Variants in NUP210 observed in about 807,000 individuals in gnomAD.
NUP210 encodes the protein nuclear pore membrane glycoprotein 210.
Under a neutral mutation model 196.0 loss-of-function variants are expected in NUP210, and 151 were observed. That is an observed-to-expected ratio of 0.77 (90% CI 0.67 to 0.88). The LOEUF (loss-of-function observed/expected upper bound fraction) is 0.88. Ranked by LOEUF, NUP210 falls within the 40% of genes least tolerant of loss-of-function variation. The pLI, the probability that NUP210 is intolerant of heterozygous loss-of-function variation, is 0.00. For missense variants in NUP210, 2,314 were observed against 2,493.7 expected, an observed-to-expected ratio of 0.93 and a Z score of 1.53; for synonymous variants, 1,070 against 1,052.7, an observed-to-expected ratio of 1.02 and a Z score of -0.32.
Position 13,325,871 on chromosome 3 carries a change from C to A in NUP210, c.4568G>T (p.Gly1523Val), listed in dbSNP as rs757302764. Residue 1523 changes from glycine (G) to valine (V), a missense_variant, in exon 33 of 40, where the codon GGT (glycine) becomes GTT (valine). Physicochemically the swap from Gly to Val is moderately radical, Grantham distance 109 (BLOSUM62 -3). Coordinates refer to ENST00000254508, the MANE Select transcript of NUP210 (RefSeq NM_024923.4). ...NSILHIDPKTGVAVARAVGSV... is the reference protein window; with the variant it reads ...NSILHIDPKTVVAVARAVGSV... Reference sequence around the variant, plus strand: ...TCCCACGGCCCGGGCCACAGCCACACCCGTCTTGGGGTCGATGTGGAGGAT... The same window carrying A: ...TCCCACGGCCCGGGCCACAGCCACAACCGTCTTGGGGTCGATGTGGAGGAT... 1 of 1,614,124 alleles carries A rather than the reference C, an allele frequency of 6.2e-7. No individual in the cohort carries two copies. The highest frequency in any genetic ancestry group is 8.5e-7 in the Non-Finnish European group (1 of 1,180,040).
In NUP210 at chr3:13,321,698, C is replaced by T. The variant is rs763511746; in HGVS notation, c.5053G>A (p.Val1685Met). Residue 1685 changes from valine to methionine, a missense_variant, in exon 36 of 40, where the codon GTG becomes ATG. Coordinates refer to ENST00000254508, the MANE Select transcript of NUP210 (RefSeq NM_024923.4). ...HFSTEQVGAE[V>M]PFSPGLFADQ... ...GCGAAGAGACCTGGGCTGAAGGGCACCTCGGCCCCCACCTGCTCTGTGGAG... is the reference window on the plus strand; with the variant it reads ...GCGAAGAGACCTGGGCTGAAGGGCATCTCGGCCCCCACCTGCTCTGTGGAG... 10 of 1,614,118 alleles carry T rather than the reference C, an allele frequency of 6.2e-6. No homozygotes were observed. Among genetic ancestry groups the T allele is most frequent in the South Asian group, 1.1e-5 (1 of 91,076 alleles).
In NUP210 at chr3:13,360,574, C is replaced by T. The variant is rs1698339863; in HGVS notation, c.1933-83G>A. ...CGGGCATCCCAGCCCCACATCCTCA[C>T]CCCGCTTGTGGGGGCTGGTGGTCAG... On this transcript the variant is annotated intron_variant, in intron 14 of 39. Coordinates refer to ENST00000254508, the MANE Select transcript of NUP210 (RefSeq NM_024923.4). 7 of 1,078,442 alleles carry T rather than the reference C, an allele frequency of 6.5e-6. No individual in the cohort carries two copies. The South Asian group carries it at 9.3e-5, about 14-fold the overall frequency. 66.8% of individuals were successfully genotyped at this position (1,078,442 alleles called of 1,614,324 possible). A position where few individuals can be genotyped will look rare whatever the true frequency, so the allele number is the denominator to read the frequency against.
intron 1 of NUP210, among the ~76,000 whole-genome samples, chr3:13,408,264 T>A (rs1194580186): frequency 6.6e-6 from 1 of 152,244 alleles, no homozygotes; most frequent in Non-Finnish European, 1.5e-5. Context: ...TTTCTGGATT[T>A]GATTAGCTAG....
chr3:13,362,184 A>T (rs936810279), intron 14 of NUP210, among the ~76,000 whole-genome samples: 2 of 152,088 alleles, frequency 1.3e-5, no homozygotes, highest in African/African-American at 4.8e-5. Context: ...GAAAAACCTT[A>T]TAAGAAAAAT....
At chr3:13,364,518 AG>A (rs1317323041) in intron 14 of NUP210, among the ~76,000 whole-genome samples, 8 of 152,168 alleles carry the variant, frequency 5.3e-5, no homozygotes, top group Middle Eastern at 3.2e-3. Flanking sequence ...ACCCAGGGCT[AG>A]GGGTTCAGAG....
At chr3:13,358,428 A>G (rs1233225913) in intron 15 of NUP210, 33 bp from the exon 16 acceptor site, 1 of 1,576,506 alleles carries the variant, frequency 6.3e-7, no homozygotes, top group East Asian at 2.3e-5. Flanking sequence ...CAGACCCCCA[A>G]GCTTGAGTTC....
intron 6 of NUP210, among the ~76,000 whole-genome samples, chr3:13,381,865 C>G (rs1165320915): frequency 3.9e-5 from 6 of 152,066 alleles, no homozygotes; most frequent in Non-Finnish European, 5.9e-5. Context: ...ACTCCCGGAC[C>G]TTGCACTCCA....
intron 1 of NUP210, among the ~76,000 whole-genome samples, chr3:13,419,829 C>T (rs1284596330): frequency 6.6e-6 from 1 of 152,062 alleles, no homozygotes; most frequent in East Asian, 1.9e-4. Context: ...GGCCGCCAGG[C>T]TGCGCCCGCT....
intron 1 of NUP210, among the ~76,000 whole-genome samples, chr3:13,403,350 G>A (rs930392509): frequency 6.6e-6 from 1 of 152,186 alleles, no homozygotes; most frequent in African/African-American, 2.4e-5. Context: ...TCCCACTGTT[G>A]TCACATGGCA....
intron 20 of NUP210, chr3:13,345,156 G>A (rs889551526): frequency 2.0e-6 from 2 of 985,330 alleles, no homozygotes; most frequent in African/African-American, 3.5e-5. Context: ...TCTGGATAAG[G>A]TCATGGAACC....
At chr3:13,394,429 G>A (rs528568337) in intron 3 of NUP210, among the ~76,000 whole-genome samples, 3 of 152,368 alleles carry the variant, frequency 2.0e-5, no homozygotes, top group African/African-American at 7.2e-5. Flanking sequence ...GCACTCTGCA[G>A]GTGGCTTCTG....
At chr3:13,416,856 G>A (rs1700365103) in intron 1 of NUP210, among the ~76,000 whole-genome samples, 1 of 152,200 alleles carries the variant, frequency 6.6e-6, no homozygotes, top group Non-Finnish European at 1.5e-5. Context: ...GCTAGGAGAG[G>A]AAACATAAGT....
chr3:13,400,228 G>C (rs1054157092), intron 1 of NUP210, among the ~76,000 whole-genome samples: 4 of 152,152 alleles, frequency 2.6e-5, no homozygotes, highest in Admixed American at 2.6e-4. Flanking sequence ...ATCCCATGAG[G>C]GACACGTTGC....
chr3:13,368,715 CATG>C (rs1380032726), intron 13 of NUP210, among the ~76,000 whole-genome samples: 14 of 152,196 alleles, frequency 9.2e-5, no homozygotes, highest in African/African-American at 3.1e-4. Context: ...CTTCACTGAG[CATG>C]ATGTCTTCAA....
chr3:13,372,775 G>C (rs571048351), intron 12 of NUP210, among the ~76,000 whole-genome samples: 4 of 152,158 alleles, frequency 2.6e-5, no homozygotes, highest in Non-Finnish European at 4.4e-5. Flanking sequence ...CAGCATGCTG[G>C]GTCTGAGTGC....
chr3:13,370,204 C>T lies in NUP210; in HGVS notation c.1786+1630G>A, dbSNP rs112095477. On this transcript the variant is annotated intron_variant, in intron 13 of 39. Coordinates refer to ENST00000254508, the MANE Select transcript of NUP210 (RefSeq NM_024923.4). ...CCTGGGCCCTACACACCTCCCTACACATTACCATGCACACTCCACACCAGG... is the reference window on the plus strand; with the variant it reads ...CCTGGGCCCTACACACCTCCCTACATATTACCATGCACACTCCACACCAGG... Among the ~76,000 whole-genome samples, 534 of 152,254 alleles carry T rather than the reference C, an allele frequency of 3.5e-3. 5 individuals carry two copies. The highest frequency in any genetic ancestry group is 0.012 in the African/African-American group (479 of 41,536).
intron 6 of NUP210, among the ~76,000 whole-genome samples, chr3:13,384,378 C>T (rs1381593451): frequency 6.6e-6 from 1 of 152,192 alleles, no homozygotes; most frequent in African/African-American, 2.4e-5. Flanking sequence ...GTTTTGTGAG[C>T]TTCAGGTCTT....
At chr3:13,345,568 C>T (rs1235908319) in intron 20 of NUP210, among the ~76,000 whole-genome samples, 2 of 152,154 alleles carry the variant, frequency 1.3e-5, no homozygotes, top group African/African-American at 4.8e-5. Context: ...CGAGCTGGCC[C>T]GAGCTGCACA....
chr3:13,396,115 C>T (rs893831379), intron 3 of NUP210, among the ~76,000 whole-genome samples: 6 of 152,102 alleles, frequency 3.9e-5, no homozygotes, highest in African/African-American at 1.4e-4. Context: ...GTTTGGCCCC[C>T]CAGGGACATT....
Sources: allele counts gnomAD v4.1 joint callset (sites outside exome capture counted in the v4.1 genomes callset), GRCh38; gene constraint gnomAD v4.1.1; transcripts MANE v1.5; gene names NCBI Gene and HGNC (gene_info 2026-07-23, HGNC 2026-07-21).